MARCHF1: variants seen among roughly 807,000 people sequenced by gnomAD.
MARCHF1 encodes membrane associated ring-CH-type finger 1, also known as E3 ubiquitin-protein ligase MARCHF1.
Under a neutral mutation model 54.2 loss-of-function variants are expected in MARCHF1, and 40 were observed. The observed-to-expected ratio is 0.74, with a 90% confidence interval of 0.57 to 0.96. MARCHF1 has a LOEUF of 0.96. MARCHF1 is among the 40% of genes least tolerant of loss of function. The probability of loss-of-function intolerance (pLI) is 0.00; values close to 1 mark genes in which losing one functional copy is unlikely to be tolerated. For missense variants in MARCHF1, 586 were observed against 656.5 expected (o/e 0.89, Z 1.17); for synonymous variants, 236 against 236.3 (o/e 1.00, Z 0.01).
intron 2 of MARCHF1, among the ~76,000 whole-genome samples, chr4:164,028,227 A>G (rs919053135): frequency 6.6e-6 from 1 of 152,208 alleles, no homozygotes; most frequent in Admixed American, 6.5e-5. Context: ...TTGGGTATAT[A>G]CCAAAAGGAA....
intron 4 of MARCHF1, among the ~76,000 whole-genome samples, chr4:163,751,590 TTATAA>T (rs1746523447): frequency 7.7e-6 from 1 of 129,312 alleles, no homozygotes; most frequent in South Asian, 2.4e-4. Flanking sequence ...TTACCAAAAA[TTATAA>T]TATATGACCT....
chr4:164,006,793 T>A (rs1472317237), intron 2 of MARCHF1, among the ~76,000 whole-genome samples: 1 of 151,500 alleles, frequency 6.6e-6, no homozygotes, highest in African/African-American at 2.4e-5. Flanking sequence ...ACAGAAACCA[T>A]ACAGGTCAGA....
chr4:163,678,259 C>T (rs1743983016), intron 5 of MARCHF1, among the ~76,000 whole-genome samples: 1 of 152,160 alleles, frequency 6.6e-6, no homozygotes, highest in Admixed American at 6.5e-5. Context: ...CAGGTTAAAG[C>T]AATCGCCATC....
chr4:164,373,415 C>T (rs1345585324), intron 1 of MARCHF1, among the ~76,000 whole-genome samples: 1 of 129,908 alleles, frequency 7.7e-6, no homozygotes, highest in Non-Finnish European at 1.5e-5. Flanking sequence ...AATACAATGG[C>T]ACAATCTTGG....
chr4:163,598,808 T>TA (rs1218342164), intron 7 of MARCHF1, among the ~76,000 whole-genome samples: 1 of 152,184 alleles, frequency 6.6e-6, no homozygotes, highest in Non-Finnish European at 1.5e-5. Flanking sequence ...ACTCAATTTA[T>TA]AAAAAATATT....
At chr4:164,123,700 A>T (rs1756123775) in intron 1 of MARCHF1, among the ~76,000 whole-genome samples, 1 of 152,178 alleles carries the variant, frequency 6.6e-6, no homozygotes, top group South Asian at 2.1e-4. Flanking sequence ...CACTGGGGAA[A>T]AGACAGTCTC....
chr4:164,206,189 C>T (rs550017798), intron 1 of MARCHF1, among the ~76,000 whole-genome samples: 28 of 152,296 alleles, frequency 1.8e-4, no homozygotes, highest in Non-Finnish European at 3.8e-4. Flanking sequence ...GCAATCCCAG[C>T]ACTTTGGGAG....
intron 4 of MARCHF1, among the ~76,000 whole-genome samples, chr4:163,827,786 C>G (rs1029555506): frequency 1.3e-5 from 2 of 152,134 alleles, no homozygotes; most frequent in Admixed American, 1.3e-4. Flanking sequence ...TTTTGCAAAA[C>G]TGAAGTTGAA....
intron 4 of MARCHF1, among the ~76,000 whole-genome samples, chr4:163,702,191 A>G (rs1466520189): frequency 6.6e-6 from 1 of 152,198 alleles, no homozygotes; most frequent in African/African-American, 2.4e-5. Flanking sequence ...AGTCACAACG[A>G]TACGGTTAGT....
At chr4:163,774,814 A>T (rs1158287465) in intron 4 of MARCHF1, among the ~76,000 whole-genome samples, 5 of 151,740 alleles carry the variant, frequency 3.3e-5, no homozygotes, top group Admixed American at 3.3e-4. Flanking sequence ...CATTTTGATA[A>T]CTCTTTATTT....
intron 1 of MARCHF1, among the ~76,000 whole-genome samples, chr4:164,146,818 C>A (rs895231417): frequency 1.3e-5 from 2 of 151,932 alleles, no homozygotes; most frequent in Non-Finnish European, 2.9e-5. Context: ...CCAAAATTGA[C>A]AAATGGGATC....
At chr4:163,972,509 T>C in intron 3 of MARCHF1, among the ~76,000 whole-genome samples, 1 of 152,248 alleles carries the variant, frequency 6.6e-6, no homozygotes, top group Non-Finnish European at 1.5e-5. Context: ...ATGCAAGGTA[T>C]ATTTGTTATA....
chr4:164,256,519 G>A (rs947310888), intron 1 of MARCHF1, among the ~76,000 whole-genome samples: 17 of 151,270 alleles, frequency 1.1e-4, no homozygotes, highest in African/African-American at 4.1e-4. Context: ...AAAGGCATTG[G>A]CTTTTTCCAA....
At chr4:163,536,675 A>G (rs1358687288) in intron 9 of MARCHF1, among the ~76,000 whole-genome samples, 1 of 152,150 alleles carries the variant, frequency 6.6e-6, no homozygotes, top group African/African-American at 2.4e-5. Flanking sequence ...ATGGTAGACA[A>G]TCTAAAGAAA....
intron 4 of MARCHF1, among the ~76,000 whole-genome samples, chr4:163,847,536 G>T (rs184391945): frequency 1.1e-4 from 15 of 133,528 alleles, no homozygotes; most frequent in African/African-American, 4.3e-4. Flanking sequence ...TGATCTTTTC[G>T]AATTACAGTT....
intron 7 of MARCHF1, among the ~76,000 whole-genome samples, chr4:163,611,877 A>G (rs1741354200): frequency 6.6e-6 from 1 of 152,092 alleles, no homozygotes; most frequent in Admixed American, 6.6e-5. Context: ...CTGACCTTAA[A>G]GAACTCAAGC....
intron 5 of MARCHF1, among the ~76,000 whole-genome samples, chr4:163,657,355 AAG>A (rs1424716088): frequency 1.3e-5 from 2 of 152,112 alleles, no homozygotes; most frequent in Non-Finnish European, 2.9e-5. Context: ...CTAAGAAGGG[AAG>A]TGAAGGACCT....
At chr4:163,575,800 C>T (rs1740017287) in intron 8 of MARCHF1, among the ~76,000 whole-genome samples, 1 of 151,696 alleles carries the variant, frequency 6.6e-6, no homozygotes, top group Admixed American at 6.6e-5. Flanking sequence ...AGAAATTTAT[C>T]TTTTACCTCT....
chr4:163,686,451 G>A (rs1041468161), intron 5 of MARCHF1, among the ~76,000 whole-genome samples: 1 of 145,704 alleles, frequency 6.9e-6, no homozygotes, highest in Non-Finnish European at 1.5e-5. Context: ...TTAGCTTGGT[G>A]CAAAAGTAAT....
Sources: allele counts gnomAD v4.1 joint callset (sites outside exome capture counted in the v4.1 genomes callset), GRCh38; gene constraint gnomAD v4.1.1; transcripts MANE v1.5; gene names NCBI Gene and HGNC (gene_info 2026-07-23, HGNC 2026-07-21).